The following GRK3 variants were observed in gnomAD, a reference collection of about 807,000 sequenced individuals.
The protein encoded by GRK3 is G protein-coupled receptor kinase 3.
Under a neutral mutation model 95.7 loss-of-function variants are expected in GRK3, and 54 were observed. The ratio of observed to expected loss-of-function variants is 0.56; its 90% CI spans 0.45 to 0.71. The LOEUF (loss-of-function observed/expected upper bound fraction) is 0.71. Among genes scored for constraint, GRK3 ranks in the 30% least tolerant of loss-of-function variants. GRK3 has a pLI of 0.00. For synonymous variants in GRK3, 281 were observed against 290.8 expected, an observed-to-expected ratio of 0.97 and a Z score of 0.34; for missense variants, 649 against 851.2, an observed-to-expected ratio of 0.76 and a Z score of 2.96.
At chr22:25,703,743 T>C (rs2085276885) in intron 14 of GRK3, among the ~76,000 whole-genome samples, 167 bp downstream of exon 14, 1 of 152,212 alleles carries the variant, frequency 6.6e-6, no homozygotes, top group African/African-American at 2.4e-5. Context: ...ATACAATTTC[T>C]AAAAGAATTT....
chr22:25,644,318 C>T (rs975450617), intron 2 of GRK3, among the ~76,000 whole-genome samples: 1 of 151,426 alleles, frequency 6.6e-6, no homozygotes, highest in African/African-American at 2.4e-5. Context: ...AATGCCAGCC[C>T]TGTCGTATCA....
chr22:25,688,559 T>G (rs1319351556), intron 11 of GRK3, among the ~76,000 whole-genome samples: 3 of 152,182 alleles, frequency 2.0e-5, no homozygotes, highest in East Asian at 3.9e-4. Context: ...TAAAAATCAC[T>G]GATAGAGTTT....
In GRK3 at chr22:25,718,471, T is replaced by A. The variant is rs954005739; in HGVS notation, c.1791+90T>A. ...TGTTGCTGACATGTTTTATACACTA[T>A]CCTCCGAAACTCTGTGATTCTATTT... On this transcript the variant is annotated intron_variant, in intron 19 of 20. Coordinates refer to ENST00000324198, the MANE Select transcript of GRK3 (RefSeq NM_005160.4). 3.6e-6 allele frequency: 5 copies of A among 1,387,364 alleles called. No homozygotes were observed. In the South Asian group the frequency reaches 6.6e-5, roughly 18 times the overall value. The allele number at this position is 1,387,364 out of a possible 1,614,324, so 85.9% of individuals were successfully genotyped here. A position where few individuals can be genotyped will look rare whatever the true frequency, so the allele number is the denominator to read the frequency against.
At chr22:25,688,003 A>C (rs140783201) in intron 11 of GRK3, among the ~76,000 whole-genome samples, 8 of 152,218 alleles carry the variant, frequency 5.3e-5, no homozygotes, top group East Asian at 1.9e-4. Flanking sequence ...TTGGGAGGCC[A>C]AGGAGGGCGG....
chr22:25,695,261 G>A, intron 13 of GRK3, 47 bp downstream of exon 13: 2 of 1,364,048 alleles, frequency 1.5e-6, no homozygotes, highest in Non-Finnish European at 2.1e-6. Context: ...GGCAGCAGGA[G>A]CTTGGATGAA....
Position 25,565,166 on chromosome 22 carries a change from C to T in GRK3, c.113+13C>T. The T allele has an allele frequency of 3.5e-6, 5 of 1,418,572 alleles. No homozygotes were observed. The highest frequency in any genetic ancestry group is 4.7e-6 in the Non-Finnish European group (5 of 1,058,318). The allele number at this position is 1,418,572 out of a possible 1,614,324, so 87.9% of individuals were successfully genotyped here. A position where few individuals can be genotyped will look rare whatever the true frequency, so the allele number is the denominator to read the frequency against. On this transcript the variant is annotated intron_variant, in intron 1 of 20. Coordinates refer to ENST00000324198, the MANE Select transcript of GRK3 (RefSeq NM_005160.4). Reference sequence around the variant, plus strand: ...TGCCGGAGCCCAGGTACCAGCTGCCCCGGCCGGCGCCGGCCCCAAGCCGCC... The same window carrying T: ...TGCCGGAGCCCAGGTACCAGCTGCCTCGGCCGGCGCCGGCCCCAAGCCGCC...
chr22:25,629,681 G>A (rs969167645), intron 2 of GRK3, among the ~76,000 whole-genome samples: 1 of 152,234 alleles, frequency 6.6e-6, no homozygotes, highest in South Asian at 2.1e-4. Context: ...ACAGAGCGTG[G>A]TGTGTGTTGC....
intron 7 of GRK3, among the ~76,000 whole-genome samples, chr22:25,673,732 G>A (rs2085003761): frequency 6.6e-6 from 1 of 152,112 alleles, no homozygotes; most frequent in African/African-American, 2.4e-5. Context: ...TACGTGAAAT[G>A]TCAGATTCAC....
intron 4 of GRK3, among the ~76,000 whole-genome samples, chr22:25,662,939 G>A (rs907954807): frequency 3.3e-5 from 5 of 151,932 alleles, no homozygotes; most frequent in African/African-American, 7.3e-5. Flanking sequence ...AGTTCCCCTC[G>A]CTGTGGTTAC....
intron 1 of GRK3, among the ~76,000 whole-genome samples, chr22:25,600,475 A>G (rs964361285): frequency 2.6e-5 from 4 of 152,164 alleles, no homozygotes; most frequent in African/African-American, 7.2e-5. Flanking sequence ...TCAACCAACT[A>G]CGCCTCAAAA....
chr22:25,634,887 G>A (rs887854570), intron 2 of GRK3, among the ~76,000 whole-genome samples: 2 of 152,128 alleles, frequency 1.3e-5, no homozygotes, highest in African/African-American at 4.8e-5. Context: ...AGTCATAAAT[G>A]AGTTTTGTGA....
intron 11 of GRK3, 52 bp from the exon 12 acceptor site, chr22:25,690,137 C>A: frequency 7.2e-7 from 1 of 1,397,670 alleles, no homozygotes; most frequent in Non-Finnish European, 1.0e-6. Context: ...GTTCTCAAAG[C>A]CTGCATGGCA....
At chr22:25,693,774 C>CTTTTTTT (rs542086916) in intron 12 of GRK3, among the ~76,000 whole-genome samples, 11 of 112,844 alleles carry the variant, frequency 9.7e-5, no homozygotes, top group Admixed American at 1.9e-4. Flanking sequence ...GTTAAAAATT[C>CTTTTTTT]TTTTTTTTTT....
chr22:25,687,437 G>C lies in GRK3; in HGVS notation c.827-100G>C. ...GGTATATAGACCAAGCAGAAGCATAGTTTCCCTTTTTCTGCTGAGTCCTGA... is the reference window on the plus strand; with the variant it reads ...GGTATATAGACCAAGCAGAAGCATACTTTCCCTTTTTCTGCTGAGTCCTGA... On this transcript the variant is annotated intron_variant, in intron 10 of 20. Coordinates refer to ENST00000324198, the MANE Select transcript of GRK3 (RefSeq NM_005160.4). 4 of 1,287,352 alleles carry C rather than the reference G, an allele frequency of 3.1e-6. No individual in the cohort carries two copies. The Middle Eastern group carries it at 5.7e-4, about 184-fold the overall frequency. 79.7% of individuals were successfully genotyped at this position (1,287,352 alleles called of 1,614,324 possible).
intron 2 of GRK3, among the ~76,000 whole-genome samples, chr22:25,621,882 A>T (rs1422599891): frequency 6.6e-6 from 1 of 152,150 alleles, no homozygotes; most frequent in African/African-American, 2.4e-5. Context: ...CTGTGCAGAG[A>T]CTATAGACAA....
At chr22:25,649,063 G>A (rs955870032) in intron 3 of GRK3, 13 of 1,507,296 alleles carry the variant, frequency 8.6e-6, no homozygotes, top group African/African-American at 5.5e-5. Context: ...CAGGTGGAGC[G>A]AGGATACAGG....
chr22:25,625,272 G>A (rs2084618914), intron 2 of GRK3, among the ~76,000 whole-genome samples: 1 of 152,146 alleles, frequency 6.6e-6, no homozygotes, highest in Non-Finnish European at 1.5e-5. Context: ...TTAGTTTGTA[G>A]CAATTACTCT....
rs566709636 is a variant in GRK3 at position 25,684,223 on chromosome 22, C to T, written c.748-947C>T. On this transcript the variant is annotated intron_variant, in intron 9 of 20. Coordinates refer to ENST00000324198, the MANE Select transcript of GRK3 (RefSeq NM_005160.4). ...CATTTCATTGGTCTACTTGTCTGTCCTTGGGCTAATACCACACTGTCTGAA... is the reference window on the plus strand; with the variant it reads ...CATTTCATTGGTCTACTTGTCTGTCTTTGGGCTAATACCACACTGTCTGAA... 3.3e-3 allele frequency among the ~76,000 whole-genome samples: 502 copies of T among 152,284 alleles called. 2 individuals carry two copies. Among genetic ancestry groups the T allele is most frequent in the Non-Finnish European group, 6.0e-3 (411 of 68,028 alleles).
intron 2 of GRK3, among the ~76,000 whole-genome samples, chr22:25,620,620 C>T (rs567096313): frequency 2.0e-5 from 3 of 152,164 alleles, no homozygotes; most frequent in African/African-American, 4.8e-5. Context: ...CCAGTGGAGA[C>T]GCCCCACTAG....
Sources: allele counts gnomAD v4.1 joint callset (sites outside exome capture counted in the v4.1 genomes callset), GRCh38; gene constraint gnomAD v4.1.1; transcripts MANE v1.5; gene names NCBI Gene and HGNC (gene_info 2026-07-23, HGNC 2026-07-21).